LARP4B: variants seen among roughly 807,000 people sequenced by gnomAD.
LARP4B encodes the protein la-related protein 4B.
LARP4B carries 12 observed loss-of-function variants against 89.8 expected under a neutral mutation model. The observed-to-expected ratio is 0.13, with a 90% CI of 0.09 to 0.22. The LOEUF (loss-of-function observed/expected upper bound fraction) is 0.22. Among genes scored for constraint, LARP4B ranks in the 10% least tolerant of loss-of-function variants. The pLI is 1.00. For missense variants in LARP4B, 757 were observed against 947.7 expected (o/e 0.80, Z 2.64); for synonymous variants, 367 against 363.3 (o/e 1.01, Z -0.12).
chr10:904,137 A>G (rs964809979), intron 1 of LARP4B, among the ~76,000 whole-genome samples: 3 of 152,168 alleles, frequency 2.0e-5, no homozygotes, highest in Non-Finnish European at 4.4e-5. Context: ...ATTAAACACA[A>G]TCCAAGCACA....
chr10:930,894 A>T (rs942106263), intron 1 of LARP4B, among the ~76,000 whole-genome samples: 3 of 151,364 alleles, frequency 2.0e-5, no homozygotes, highest in African/African-American at 7.3e-5. Flanking sequence ...CCGAGGAGCG[A>T]GTGGCAAGGC....
At chr10:936,239 C>T (rs1024962934), upstream of LARP4B, among the ~76,000 whole-genome samples, 4 of 151,896 alleles carry the variant, frequency 2.6e-5, no homozygotes, top group Non-Finnish European at 2.9e-5. Flanking sequence ...AAGCAGGTAA[C>T]GAGGGATGGA....
chr10:917,209 T>C (rs1836844695), intron 1 of LARP4B, among the ~76,000 whole-genome samples: 1 of 152,242 alleles, frequency 6.6e-6, no homozygotes, highest in South Asian at 2.1e-4. Context: ...CTGATTCTTT[T>C]CATGTTTTGT....
chr10:982,610 CTATT>C, the LARP4B span, among the ~76,000 whole-genome samples: 36 of 152,298 alleles, frequency 2.4e-4, no homozygotes, highest in Admixed American at 7.8e-4. Flanking sequence ...CTAAAATTTA[CTATT>C]TAAAGTTATT....
intron 5 of LARP4B, among the ~76,000 whole-genome samples, chr10:852,292 G>A (rs899489318): frequency 1.3e-5 from 2 of 152,190 alleles, no homozygotes; most frequent in African/African-American, 4.8e-5. Flanking sequence ...TATATCCAAA[G>A]TATACTGTAT....
At chr10:847,597 G>A (rs1833839443) in intron 5 of LARP4B, among the ~76,000 whole-genome samples, 1 of 151,852 alleles carries the variant, frequency 6.6e-6, no homozygotes, top group Non-Finnish European at 1.5e-5. Flanking sequence ...TGCAACCTTG[G>A]CTCACTGCAA....
At chr10:948,132 G>C in the LARP4B span, among the ~76,000 whole-genome samples, 3 of 151,850 alleles carry the variant, frequency 2.0e-5, no homozygotes, top group Non-Finnish European at 2.9e-5. Flanking sequence ...TGCTGATGGG[G>C]CCCAAGGCAT....
chr10:930,465 T>C (rs1837265987), intron 1 of LARP4B, among the ~76,000 whole-genome samples: 2 of 152,360 alleles, frequency 1.3e-5, no homozygotes, highest in East Asian at 1.9e-4. Flanking sequence ...GAGGTAGTTT[T>C]CTACAGCTAG....
intron 1 of LARP4B, among the ~76,000 whole-genome samples, chr10:910,962 T>TA (rs1836650177): frequency 6.6e-6 from 1 of 152,192 alleles, no homozygotes. Flanking sequence ...ACATCACACT[T>TA]AGACCCTAAA....
At chr10:833,859 A>T (rs1343196069) in intron 8 of LARP4B, among the ~76,000 whole-genome samples, 1 of 151,058 alleles carries the variant, frequency 6.6e-6, no homozygotes, top group East Asian at 1.9e-4. Context: ...ACTGCACTCC[A>T]GCCTGGCAAC....
intron 9 of LARP4B, 92 bp downstream of exon 9, chr10:830,775 T>A: frequency 1.5e-6 from 1 of 660,594 alleles, no homozygotes; most frequent in Non-Finnish European, 2.7e-6. Flanking sequence ...CCATCACAAG[T>A]AATCTCAATG....
chr10:816,032 C>T (rs1476786206), intron 15 of LARP4B, among the ~76,000 whole-genome samples: 1 of 152,168 alleles, frequency 6.6e-6, no homozygotes, highest in Non-Finnish European at 1.5e-5. Flanking sequence ...GGTTTGAGGC[C>T]AGCCTGGCCA....
chr10:972,310 G>A, the LARP4B span: 3 of 368,850 alleles, frequency 8.1e-6, no homozygotes, highest in East Asian at 1.4e-4. Flanking sequence ...TTAGAGGCGT[G>A]AGCAACCGCA....
chr10:821,393 G>A (rs573913557), intron 13 of LARP4B, among the ~76,000 whole-genome samples: 2 of 152,058 alleles, frequency 1.3e-5, no homozygotes, highest in South Asian at 2.1e-4. Context: ...TCCTGCCCTC[G>A]CCTCCCAGCC....
At chr10:873,288 G>A in intron 3 of LARP4B, 1 of 985,396 alleles carries the variant, frequency 1.0e-6, no homozygotes, top group Non-Finnish European at 1.2e-6. Flanking sequence ...ACATGTTCCT[G>A]CCACTCAAAC....
chr10:973,572 C>T, the LARP4B span, among the ~76,000 whole-genome samples: 5 of 152,132 alleles, frequency 3.3e-5, no homozygotes, highest in East Asian at 9.7e-4. Flanking sequence ...AGGATGGTCT[C>T]GATCTCCTGA....
At chr10:950,429 G>T in the LARP4B span, among the ~76,000 whole-genome samples, 1 of 152,152 alleles carries the variant, frequency 6.6e-6, no homozygotes, top group Non-Finnish European at 1.5e-5. Flanking sequence ...TTGAAATCAG[G>T]TAGATTGAGT....
chr10:947,281 CAG>C, the LARP4B span, among the ~76,000 whole-genome samples: 1 of 152,112 alleles, frequency 6.6e-6, no homozygotes, highest in African/African-American at 2.4e-5. Flanking sequence ...AACAAACAAA[CAG>C]AGTTCTGTTC....
chr10:843,668 T>C (rs1287659335), intron 6 of LARP4B, among the ~76,000 whole-genome samples: 3 of 151,874 alleles, frequency 2.0e-5, no homozygotes, highest in Admixed American at 2.0e-4. Flanking sequence ...CACTGCACTC[T>C]AGCCTGGGCG....
Sources: allele counts gnomAD v4.1 joint callset (sites outside exome capture counted in the v4.1 genomes callset), GRCh38; gene constraint gnomAD v4.1.1; transcripts MANE v1.5; gene names NCBI Gene and HGNC (gene_info 2026-07-23, HGNC 2026-07-21).